The following DCHS2 variants were observed in gnomAD, a reference collection of about 807,000 sequenced individuals.
The protein encoded by DCHS2 is protocadherin-23.
A neutral mutation model predicts 182.4 loss-of-function variants in DCHS2; 142 were observed. The ratio of observed to expected loss-of-function variants is 0.78; its 90% CI spans 0.68 to 0.89. The LOEUF (loss-of-function observed/expected upper bound fraction) is 0.89. Ranked by LOEUF, DCHS2 falls within the 40% of genes least tolerant of loss-of-function variation. DCHS2 has a pLI of 0.00. For missense variants in DCHS2, 4,319 were observed against 4,198.6 expected (o/e 1.03, Z -0.79); for synonymous variants, 1,740 against 1,663.3 (o/e 1.05, Z -1.12).
Position 154,236,146 on chromosome 4 carries a change from C to T in DCHS2, c.8506G>A (p.Ala2836Thr). The change falls in exon 20 of 20, where the codon GCT becomes ACT. Residue 2836 changes from alanine to threonine, a missense_variant. Ala to Thr is a moderately conservative substitution (Grantham distance 58). Transcript: ENST00000357232. ...LIDPLTGDIH[A>T]KQILDYENGN... ...TTTTCATAGTCAAGGATTTGCTTAG[C>T]ATGAATATCCCCTGTCAAAGGGTCA... 6.2e-7 allele frequency: 1 copy of T among 1,613,774 alleles called. No homozygotes were observed. The highest frequency in any genetic ancestry group is 8.5e-7 in the Non-Finnish European group (1 of 1,179,960).
intron 3 of DCHS2, among the ~76,000 whole-genome samples, chr4:154,351,678 TC>T (rs985365862): frequency 8.5e-5 from 13 of 152,142 alleles, no homozygotes; most frequent in African/African-American, 2.7e-4. Flanking sequence ...ATAAAAGTGG[TC>T]CACCTCAGAT....
At chr4:154,318,357 C>A (rs554815027) in intron 9 of DCHS2, among the ~76,000 whole-genome samples, 4 of 151,546 alleles carry the variant, frequency 2.6e-5, no homozygotes, top group Non-Finnish European at 5.9e-5. Context: ...TATAAGCAAG[C>A]GATGAGAGGG....
intron 1 of DCHS2, among the ~76,000 whole-genome samples, chr4:154,390,985 C>T (rs1731675083): frequency 6.6e-6 from 1 of 152,128 alleles, no homozygotes; most frequent in African/African-American, 2.4e-5. Flanking sequence ...ACGTCTAATA[C>T]CATAAAACTT....
At chr4:154,270,364 C>G (rs1162956926) in intron 13 of DCHS2, among the ~76,000 whole-genome samples, 1 of 151,814 alleles carries the variant, frequency 6.6e-6, no homozygotes, top group Admixed American at 6.6e-5. Flanking sequence ...AGGGGAAGCA[C>G]CAGACTTTAG....
Position 154,491,119 on chromosome 4 carries a change from C to T in DCHS2, c.237G>A (p.Pro79=), listed in dbSNP as rs753869173. 9 of 1,551,334 alleles carry T rather than the reference C, an allele frequency of 5.8e-6. No homozygotes were observed. Among genetic ancestry groups the T allele is most frequent in the African/African-American group, 2.7e-5 (2 of 73,056 alleles). The change falls in exon 1 of 20, where the codon CCG becomes CCA. Residue 79 remains proline (P), a synonymous_variant. Coordinates refer to ENST00000357232, the MANE Select transcript of DCHS2 (RefSeq NM_001358235.2). ...CGCGGATGTCACCTACCAGCGTGTC[C>T]GGGGGAAGCCCCTCATCTACGGAAA... is the stretch of plus-strand genomic sequence containing the variant. ...LTLSVDEGLP[P]DTLVGDIRAG...
At position 154,235,568 on chromosome 4, in the gene DCHS2, ATAAT is replaced by A. The variant is rs748677142; in HGVS notation, c.9080_9083del (p.Asn3027MetfsTer9). 6.2e-7 allele frequency: 1 copy of A among 1,613,964 alleles called. No individual in the cohort carries two copies. Among genetic ancestry groups the A allele is most frequent in the Non-Finnish European group, 8.5e-7 (1 of 1,179,970 alleles). ...CTAAAGATGAGGTTTTCTTCTCCTC[ATAAT>A]TGTTTATTGTGTCTTTTTGTTTATG... On this transcript the variant is annotated frameshift_variant, in exon 20 of 20. Transcript: ENST00000357232. LOFTEE classifies it low-confidence loss of function (END_TRUNC).
intron 3 of DCHS2, among the ~76,000 whole-genome samples, chr4:154,356,074 T>C (rs892944818): frequency 1.3e-5 from 2 of 152,144 alleles, no homozygotes; most frequent in African/African-American, 4.8e-5. Flanking sequence ...TCATAGGAGA[T>C]GACAGCTCCA....
At chr4:154,367,710 C>T (rs959092796) in intron 2 of DCHS2, among the ~76,000 whole-genome samples, 2 of 152,156 alleles carry the variant, frequency 1.3e-5, no homozygotes, top group Non-Finnish European at 2.9e-5. Context: ...TGTATCCTCC[C>T]CCTCTTCATC....
rs1432063373 is a variant in DCHS2, at chr4:154,298,678, T to C, written c.5636A>G (p.Asn1879Ser). The change falls in exon 13 of 20, where the codon AAT becomes AGT. Residue 1879 changes from asparagine to serine, a missense_variant. By Grantham distance (46) the Asn-to-Ser change is conservative. Coordinates refer to ENST00000357232, the MANE Select transcript of DCHS2 (RefSeq NM_001358235.2). ...GGTTGAGAGTTCTCCTGACATCTCA[T>C]TTATAGTAAAGCACTCATCAGTATT... ...DGNTDECFTI[N>S]EMSGELSTTR... is the part of the protein sequence containing the mutation. 5.6e-6 allele frequency: 9 copies of C among 1,605,004 alleles called. No individual in the cohort carries two copies. Among genetic ancestry groups the C allele is most frequent in the Non-Finnish European group, 7.6e-6 (9 of 1,176,798 alleles).
At chr4:154,427,768 CCTT>C (rs765271257) in intron 1 of DCHS2, among the ~76,000 whole-genome samples, 2 of 152,112 alleles carry the variant, frequency 1.3e-5, no homozygotes, top group African/African-American at 2.4e-5. Flanking sequence ...TCTGAAGACT[CCTT>C]CTACCACCTC....
Position 154,490,842 on chromosome 4 carries a change from G to C in DCHS2, c.514C>G (p.Leu172Val), listed in dbSNP as rs1402875529. 1 of 1,551,646 alleles carries C rather than the reference G, an allele frequency of 6.4e-7. No homozygotes were observed. Among genetic ancestry groups the C allele is most frequent in the East Asian group, 2.4e-5 (1 of 40,902 alleles). ...DHSPRFPLDS[L>V]QLDVSELSPP... ...CTGAGCTCGGAGACGTCGAGTTGCA[G>C]GGAGTCGAGGGGAAAGCGGGGCGAG... The change falls in exon 1 of 20, where the codon CTG becomes GTG. Residue 172 changes from leucine to valine, a missense_variant. Leu to Val is a conservative substitution (Grantham distance 32). Transcript: ENST00000357232.
Position 154,414,763 on chromosome 4 carries a change from G to A in DCHS2, c.2053-37319C>T, listed in dbSNP as rs565564209. ...TGTAAAAGTTGATTTAGGTATTCGT[G>A]ATAGAGAAGTGAAAGGAAAGACTGA... On this transcript the variant is annotated intron_variant, in intron 1 of 19. Transcript: ENST00000357232. Among the ~76,000 whole-genome samples, 4 of 152,216 alleles carry A rather than the reference G, an allele frequency of 2.6e-5. No homozygotes were observed. In the East Asian group the frequency reaches 7.7e-4, roughly 29 times the overall value.
rs144430577 is a variant in DCHS2 at position 154,233,006 on chromosome 4, T to C, written c.*1530A>G. ...ATCTACAAAACCAGACATCAAACAC[T>C]GCACCTTGCAATATTTTTTAGTAAA... On this transcript the variant is annotated 3_prime_UTR_variant, in exon 20 of 20. Coordinates refer to ENST00000357232, the MANE Select transcript of DCHS2 (RefSeq NM_001358235.2). 1.8e-3 allele frequency: 271 copies of C among 152,252 alleles called. No homozygotes were observed. Among genetic ancestry groups the C allele is most frequent in the African/African-American group, 6.2e-3 (257 of 41,554 alleles). 9.4% of individuals were successfully genotyped at this position (152,252 alleles called of 1,614,324 possible).
chr4:154,269,143 C>A (rs1733445290), intron 14 of DCHS2: 1 of 152,096 alleles, frequency 6.6e-6, no homozygotes, highest in Non-Finnish European at 1.5e-5. Flanking sequence ...GGTTGCTGAC[C>A]AAAGGCTGTA....
intron 13 of DCHS2, among the ~76,000 whole-genome samples, 184 bp downstream of exon 13, chr4:154,297,667 T>C (rs1445940485): frequency 6.6e-6 from 1 of 152,194 alleles, no homozygotes; most frequent in Non-Finnish European, 1.5e-5. Flanking sequence ...CTCACTGTCT[T>C]CTGCCCTGTC....
intron 4 of DCHS2, chr4:154,333,882 T>G: frequency 1.0e-5 from 2 of 195,320 alleles, no homozygotes; most frequent in Non-Finnish European, 1.1e-5. Flanking sequence ...CTCAAAACAT[T>G]TCCCATCGTT....
intron 1 of DCHS2, among the ~76,000 whole-genome samples, chr4:154,434,195 A>G (rs1733678668): frequency 6.6e-6 from 1 of 152,196 alleles, no homozygotes; most frequent in Non-Finnish European, 1.5e-5. Context: ...ATACTTTGGG[A>G]GGCTGAGGGG....
Position 154,236,467 on chromosome 4 carries a change from C to T in DCHS2, c.8185G>A (p.Asp2729Asn), listed in dbSNP as rs1731511529. 1 of 1,613,862 alleles carries T rather than the reference C, an allele frequency of 6.2e-7. No individual in the cohort carries two copies. Among genetic ancestry groups the T allele is most frequent in the Admixed American group, 1.7e-5 (1 of 59,994 alleles). ...TGVLYLIKPL[D>N]YEKMTKFTLT... ...GTGAATTTTGTCATTTTTTCATAAT[C>T]CAGAGGTTTAATCAAATAAAGAACT... Residue 2729 changes from aspartate (D) to asparagine (N), a missense_variant, in exon 20 of 20, where the codon GAT becomes AAT. Physicochemically the swap from Asp to Asn is conservative, Grantham distance 23. Coordinates refer to ENST00000357232, the MANE Select transcript of DCHS2 (RefSeq NM_001358235.2).
chr4:154,240,610 G>C lies in DCHS2; in HGVS notation c.7286C>G (p.Thr2429Arg). The C allele has an allele frequency of 6.2e-7, 1 of 1,613,944 alleles. No individual in the cohort carries two copies. The highest frequency in any genetic ancestry group is 8.5e-7 in the Non-Finnish European group (1 of 1,179,928). Residue 2429 changes from threonine (T) to arginine (R), a missense_variant, in exon 18 of 20, where the codon ACA becomes AGA. By Grantham distance (71) the Thr-to-Arg change is moderately conservative (BLOSUM62 -1). Coordinates refer to ENST00000357232, the MANE Select transcript of DCHS2 (RefSeq NM_001358235.2). Reference sequence around the variant, plus strand: ...CACACGGACTACAAGTGCTCCCTCTGTGTAGTGCACTGAATCAGAAATTTG... The same window carrying C: ...CACACGGACTACAAGTGCTCCCTCTCTGTAGTGCACTGAATCAGAAATTTG... ...LIQISDSVHY[T>R]EGALVVRVLD...
Sources: gnomAD v4.1 joint callset for allele counts (sites outside exome capture counted in the v4.1 genomes callset) on GRCh38, gnomAD v4.1.1 for gene constraint, MANE v1.5 for transcripts, NCBI Gene and HGNC (gene_info 2026-07-23, HGNC 2026-07-21) for gene names.